CHST9: variants seen among roughly 807,000 people sequenced by gnomAD.
The protein encoded by CHST9 is GalNAc-4-sulfotransferase 2.
In CHST9, 41 loss-of-function variants were observed where a neutral mutation model predicts 44.4. That is an observed-to-expected ratio of 0.92 (90% CI 0.72 to 1.20). The LOEUF is 1.20. Ranked by LOEUF, CHST9 falls within the 50% of genes most tolerant of loss-of-function variation. CHST9 has a pLI of 0.00. For synonymous variants in CHST9, 171 were observed against 178.4 expected (o/e 0.96, Z 0.33); for missense variants, 504 against 516.5 (o/e 0.98, Z 0.23).
chr18:27,016,475 G>A (rs1044787114), intron 4 of CHST9, among the ~76,000 whole-genome samples: 6 of 152,150 alleles, frequency 3.9e-5, no homozygotes, highest in Non-Finnish European at 7.3e-5. Flanking sequence ...TGTCTTTATA[G>A]CACTCTGTTG....
intron 2 of CHST9, among the ~76,000 whole-genome samples, chr18:27,055,634 T>G (rs2143592430): frequency 6.6e-6 from 1 of 152,322 alleles, no homozygotes; most frequent in Non-Finnish European, 1.5e-5. Flanking sequence ...AAAAATGCCT[T>G]TATCAATATA....
chr18:26,919,623 C>T (rs1429937690), intron 5 of CHST9, among the ~76,000 whole-genome samples: 1 of 152,152 alleles, frequency 6.6e-6, no homozygotes, highest in Non-Finnish European at 1.5e-5. Flanking sequence ...CCCCATTTGT[C>T]CATTATTATT....
chr18:26,980,252 C>T (rs2056675709), intron 4 of CHST9, among the ~76,000 whole-genome samples: 1 of 152,064 alleles, frequency 6.6e-6, no homozygotes, highest in Non-Finnish European at 1.5e-5. Context: ...ACTATGAGCT[C>T]CTTTAAAGGA....
intron 2 of CHST9, among the ~76,000 whole-genome samples, chr18:27,061,992 T>G (rs1247471317): frequency 6.6e-6 from 1 of 152,242 alleles, no homozygotes; most frequent in South Asian, 2.1e-4. Flanking sequence ...CCAATGTGAC[T>G]AATATGGTCC....
In CHST9 at chr18:26,990,872, C is replaced by T. The variant is rs542648703; in HGVS notation, c.202+33244G>A. Among the ~76,000 whole-genome samples the T allele has an allele frequency of 1.0e-3, 155 of 152,288 alleles. 1 individual carries two copies. Among genetic ancestry groups the T allele is most frequent in the Middle Eastern group, 6.8e-3 (2 of 294 alleles). On this transcript the variant is annotated intron_variant, in intron 4 of 5. Coordinates refer to ENST00000618847, the MANE Select transcript of CHST9 (RefSeq NM_031422.6). ...TTTCTTTTATTCTTCCCTTCCCTTCCTCCTTCTGCTCTTCAGGCCTATCTT... is the reference window on the plus strand; with the variant it reads ...TTTCTTTTATTCTTCCCTTCCCTTCTTCCTTCTGCTCTTCAGGCCTATCTT...
At chr18:27,149,123 A>T (rs182426679) in intron 1 of CHST9, among the ~76,000 whole-genome samples, 1 of 125,690 alleles carries the variant, frequency 8.0e-6, no homozygotes, top group East Asian at 2.8e-4. Flanking sequence ...TTTTCTTGTA[A>T]ATTTGTTTGA....
chr18:27,069,170 AATAG>A, intron 2 of CHST9, among the ~76,000 whole-genome samples: 1 of 152,220 alleles, frequency 6.6e-6, no homozygotes. Context: ...GTAACTGTAG[AATAG>A]ATAAAGACAT....
chr18:27,070,735 T>G (rs2057830340), intron 2 of CHST9, among the ~76,000 whole-genome samples: 1 of 152,202 alleles, frequency 6.6e-6, no homozygotes, highest in African/African-American at 2.4e-5. Context: ...AAACACTCCT[T>G]GCTTTTTGTT....
intron 3 of CHST9, among the ~76,000 whole-genome samples, chr18:27,047,352 C>T (rs1598669094): frequency 6.7e-6 from 1 of 149,918 alleles, no homozygotes; most frequent in East Asian, 2.0e-4. Flanking sequence ...GGTAATCATA[C>T]CTGTGAGGGA....
chr18:26,957,593 C>G (rs930657175), intron 4 of CHST9, among the ~76,000 whole-genome samples: 4 of 150,036 alleles, frequency 2.7e-5, no homozygotes, highest in Non-Finnish European at 5.9e-5. Context: ...AGCCAAGCAT[C>G]AGATCTGGAC....
At chr18:27,164,144 C>A (rs1484464629) in intron 1 of CHST9, among the ~76,000 whole-genome samples, 1 of 151,918 alleles carries the variant, frequency 6.6e-6, no homozygotes. Context: ...AGAGAGAAGG[C>A]AACAGATTAT....
intron 2 of CHST9, among the ~76,000 whole-genome samples, chr18:27,087,512 C>G (rs1242058851): frequency 1.3e-5 from 2 of 152,070 alleles, no homozygotes; most frequent in Non-Finnish European, 2.9e-5. Context: ...CTGAGTACCT[C>G]CTTTTAATAA....
chr18:27,034,390 T>C (rs1179199594), intron 3 of CHST9, among the ~76,000 whole-genome samples: 1 of 152,216 alleles, frequency 6.6e-6, no homozygotes, highest in African/African-American at 2.4e-5. Flanking sequence ...CCTGGTTTAC[T>C]TTAACAGCTT....
intron 3 of CHST9, among the ~76,000 whole-genome samples, chr18:27,027,781 T>G (rs1160613783): frequency 6.6e-6 from 1 of 152,226 alleles, no homozygotes; most frequent in Non-Finnish European, 1.5e-5. Flanking sequence ...TATTTCTCAG[T>G]TTCTGTTTCA....
chr18:27,138,969 G>A (rs1429082841), intron 2 of CHST9, among the ~76,000 whole-genome samples: 2 of 152,102 alleles, frequency 1.3e-5, no homozygotes, highest in East Asian at 3.8e-4. Flanking sequence ...AATGGATAGT[G>A]ATATTGAAAA....
In CHST9 at chr18:26,926,032, T is replaced by G. The variant is rs184967428; in HGVS notation, c.241-8682A>C. 3.6e-4 allele frequency among the ~76,000 whole-genome samples: 54 copies of G among 152,070 alleles called. 1 individual carries two copies. In the South Asian group the frequency reaches 0.011, roughly 31 times the overall value. ...GGGAAAGAGAAAAGATAAAATTAAG[T>G]GGAGGCAAAGGCAAAGAAAGAAAAC... On this transcript the variant is annotated intron_variant, in intron 5 of 5. Coordinates refer to ENST00000618847, the MANE Select transcript of CHST9 (RefSeq NM_031422.6).
rs1229852897 is a variant in CHST9 at position 26,915,755 on chromosome 18, A to G, written c.*504T>C. ...CACATAATGCCTTCCAATCTAAAGT[A>G]AAATGCCTAAGTCCAAAATATCACT... On this transcript the variant is annotated 3_prime_UTR_variant, in exon 6 of 6. Coordinates refer to ENST00000618847, the MANE Select transcript of CHST9 (RefSeq NM_031422.6). 1 of 152,692 alleles carries G rather than the reference A, an allele frequency of 6.5e-6. No individual in the cohort carries two copies. Among genetic ancestry groups the G allele is most frequent in the African/African-American group, 2.4e-5 (1 of 41,448 alleles). 9.5% of individuals were successfully genotyped at this position (152,692 alleles called of 1,614,324 possible). A position where few individuals can be genotyped will look rare whatever the true frequency, so the allele number is the denominator to read the frequency against.
intron 4 of CHST9, among the ~76,000 whole-genome samples, chr18:27,003,174 A>C (rs1386669719): frequency 6.6e-6 from 1 of 152,214 alleles, no homozygotes; most frequent in Non-Finnish European, 1.5e-5. Flanking sequence ...AGGTGCTAAG[A>C]GTGGCTTATT....
At chr18:26,929,644 A>G (rs1391098572) in intron 5 of CHST9, among the ~76,000 whole-genome samples, 1 of 152,208 alleles carries the variant, frequency 6.6e-6, no homozygotes, top group Non-Finnish European at 1.5e-5. Flanking sequence ...ACCTGGAGCA[A>G]AAGACACTGT....
Sources: gnomAD v4.1 joint callset for allele counts (sites outside exome capture counted in the v4.1 genomes callset) on GRCh38, gnomAD v4.1.1 for gene constraint, MANE v1.5 for transcripts, NCBI Gene and HGNC (gene_info 2026-07-23, HGNC 2026-07-21) for gene names.